STPG2: variants seen among roughly 807,000 people sequenced by gnomAD.
STPG2 encodes the protein sperm-tail PG-rich repeat-containing protein 2.
A neutral mutation model predicts 54.2 loss-of-function variants in STPG2; 56 were observed. The ratio of observed to expected loss-of-function variants is 1.03; its 90% CI spans 0.83 to 1.29. The LOEUF is 1.29. Among genes scored for constraint, STPG2 ranks in the 50% most tolerant of loss-of-function variants. The pLI, the probability that STPG2 is intolerant of heterozygous loss-of-function variation, is 0.00. For missense variants in STPG2, 596 were observed against 544.9 expected (o/e 1.09, Z -0.93); for synonymous variants, 200 against 181.8 (o/e 1.10, Z -0.81).
intron 10 of STPG2, among the ~76,000 whole-genome samples, chr4:97,629,771 G>A (rs1231420227): frequency 6.6e-6 from 1 of 151,892 alleles, no homozygotes; most frequent in Non-Finnish European, 1.5e-5. Context: ...ATATGTTAGG[G>A]TAATAGAAGG....
intron 4 of STPG2, among the ~76,000 whole-genome samples, chr4:98,107,553 G>T (rs1291135329): frequency 1.4e-5 from 2 of 138,744 alleles, no homozygotes; most frequent in Non-Finnish European, 3.2e-5. Flanking sequence ...GGGGAGGAAT[G>T]AGAGTGGGAC....
chr4:97,908,245 C>T, intron 8 of STPG2, among the ~76,000 whole-genome samples: 1 of 152,004 alleles, frequency 6.6e-6, no homozygotes, highest in Non-Finnish European at 1.5e-5. Flanking sequence ...ATTTATGCAG[C>T]CAAAAAACAC....
At chr4:97,690,361 T>G (rs2148987800) in intron 10 of STPG2, among the ~76,000 whole-genome samples, 1 of 152,264 alleles carries the variant, frequency 6.6e-6, no homozygotes, top group Non-Finnish European at 1.5e-5. Flanking sequence ...TGTAGGCCAC[T>G]GACAACAGGA....
At chr4:97,876,422 A>G (rs1282318441) in intron 8 of STPG2, among the ~76,000 whole-genome samples, 1 of 152,086 alleles carries the variant, frequency 6.6e-6, no homozygotes, top group Non-Finnish European at 1.5e-5. Flanking sequence ...TTAAGCAATG[A>G]TGTCTTAAAA....
intron 5 of STPG2, among the ~76,000 whole-genome samples, chr4:98,008,141 T>C (rs984373881): frequency 1.3e-5 from 2 of 152,096 alleles, no homozygotes; most frequent in African/African-American, 4.8e-5. Flanking sequence ...CATCATGCCA[T>C]ACAGTTATCA....
chr4:97,909,492 C>G (rs886695018), intron 8 of STPG2, among the ~76,000 whole-genome samples: 4 of 151,966 alleles, frequency 2.6e-5, no homozygotes, highest in South Asian at 2.1e-4. Flanking sequence ...CAAACCCTAA[C>G]AAGGAAATTA....
intron 8 of STPG2, among the ~76,000 whole-genome samples, chr4:97,876,813 A>T (rs2149160667): frequency 1.3e-5 from 2 of 152,180 alleles, no homozygotes; most frequent in South Asian, 4.1e-4. Context: ...GAATATATTT[A>T]TTTTCTGCAA....
intron 4 of STPG2, among the ~76,000 whole-genome samples, chr4:97,454,911 T>C (rs1331761218): frequency 1.3e-5 from 2 of 152,286 alleles, no homozygotes; most frequent in South Asian, 2.1e-4. Flanking sequence ...CAACAAACAT[T>C]ATATAAAGCT....
intron 5 of STPG2, among the ~76,000 whole-genome samples, chr4:98,083,030 T>C (rs578079516): frequency 6.6e-6 from 1 of 152,260 alleles, no homozygotes; most frequent in South Asian, 2.1e-4. Flanking sequence ...CCCTTTATTG[T>C]CCTAAGAATA....
At chr4:97,846,623 CAAAA>C (rs540016952) in intron 8 of STPG2, among the ~76,000 whole-genome samples, 23 of 68,370 alleles carry the variant, frequency 3.4e-4, no homozygotes, top group Non-Finnish European at 6.4e-4. Context: ...GACTCCACCT[CAAAA>C]AAAAAAAAAA....
intron 9 of STPG2, among the ~76,000 whole-genome samples, chr4:97,804,239 G>C (rs12331404): frequency 2.0e-5 from 3 of 152,036 alleles, no homozygotes; most frequent in African/African-American, 4.8e-5. Flanking sequence ...GTTTCTGCTA[G>C]AGTAACATAC....
chr4:97,557,104 C>T (rs2148871094), downstream of STPG2, among the ~76,000 whole-genome samples: 1 of 152,182 alleles, frequency 6.6e-6, no homozygotes, highest in East Asian at 1.9e-4. Context: ...TCACTTGAAC[C>T]TGGGAGGCGG....
chr4:97,956,563 C>A (rs1362451952), intron 7 of STPG2, among the ~76,000 whole-genome samples: 2 of 152,086 alleles, frequency 1.3e-5, no homozygotes, highest in Non-Finnish European at 2.9e-5. Context: ...GCAGATTGCT[C>A]CTGCAGGAGC....
intron 8 of STPG2, among the ~76,000 whole-genome samples, chr4:97,872,768 A>T (rs529237973): frequency 1.9e-4 from 28 of 151,316 alleles, no homozygotes; most frequent in Non-Finnish European, 1.2e-4. Flanking sequence ...GTTTTTTTCT[A>T]TATTATAACT....
intron 9 of STPG2, among the ~76,000 whole-genome samples, chr4:97,811,321 T>A (rs1727733296): frequency 6.6e-6 from 1 of 150,824 alleles, no homozygotes. Flanking sequence ...GTTGGCTCTG[T>A]ATCTATATCA....
At chr4:97,873,924 A>G (rs1343416545) in intron 8 of STPG2, among the ~76,000 whole-genome samples, 1 of 151,528 alleles carries the variant, frequency 6.6e-6, no homozygotes, top group Non-Finnish European at 1.5e-5. Flanking sequence ...TCTATTACTG[A>G]AGCTGGCCAA....
chr4:97,507,938 T>C (rs1730888420), intron 4 of STPG2, among the ~76,000 whole-genome samples: 1 of 151,956 alleles, frequency 6.6e-6, no homozygotes, highest in Non-Finnish European at 1.5e-5. Context: ...AAATCATCAG[T>C]CACATGATTA....
chr4:97,773,782 A>C (rs889516591), intron 9 of STPG2, among the ~76,000 whole-genome samples: 1 of 152,228 alleles, frequency 6.6e-6, no homozygotes, highest in Non-Finnish European at 1.5e-5. Context: ...GCAAGGAAGA[A>C]TAATATAGCA....
intron 8 of STPG2, among the ~76,000 whole-genome samples, chr4:97,914,363 G>T (rs1010138158): frequency 6.6e-6 from 1 of 152,016 alleles, no homozygotes; most frequent in African/African-American, 2.4e-5. Flanking sequence ...AAGAAAACAG[G>T]CATCAAATAG....
Sources: allele counts gnomAD v4.1 joint callset (sites outside exome capture counted in the v4.1 genomes callset), GRCh38; gene constraint gnomAD v4.1.1; transcripts MANE v1.5; gene names NCBI Gene and HGNC (gene_info 2026-07-23, HGNC 2026-07-21).